Variants in DNAJB6 observed in about 807,000 individuals in gnomAD.
DNAJB6 encodes dnaJ homolog subfamily B member 6.
In DNAJB6, 16 loss-of-function variants were observed where a neutral mutation model predicts 42.7. The observed-to-expected ratio is 0.37, with a 90% CI of 0.25 to 0.57. The LOEUF (loss-of-function observed/expected upper bound fraction) is 0.57. Among genes scored for constraint, DNAJB6 ranks in the 20% least tolerant of loss-of-function variants. DNAJB6 has a pLI of 0.74. For synonymous variants in DNAJB6, 170 were observed against 163.5 expected (o/e 1.04, Z -0.30); for missense variants, 347 against 416.8 (o/e 0.83, Z 1.46).
chr7:157,366,632 C>G (rs1393116203), intron 4 of DNAJB6, 71 bp downstream of exon 4: 10 of 1,434,708 alleles, frequency 7.0e-6, no homozygotes, highest in Non-Finnish European at 9.8e-6. Flanking sequence ...AATCACGAGT[C>G]TCTTGGTCAG....
intron 8 of DNAJB6, among the ~76,000 whole-genome samples, chr7:157,388,094 C>T (rs562177868): frequency 1.3e-5 from 2 of 152,334 alleles, no homozygotes; most frequent in African/African-American, 4.8e-5. Context: ...GATCCATCCA[C>T]CTTGGCCTCC....
chr7:157,415,410 C>G lies in DNAJB6; in HGVS notation c.899-606C>G, dbSNP rs150256809. The G allele has an allele frequency of 6.0e-3, 922 of 152,490 alleles. 4 individuals are homozygous for G. Among genetic ancestry groups the G allele is most frequent in the Non-Finnish European group, 0.011 (722 of 68,140 alleles). 9.4% of individuals were successfully genotyped at this position (152,490 alleles called of 1,614,324 possible). A position where few individuals can be genotyped will look rare whatever the true frequency, so the allele number is the denominator to read the frequency against. On this transcript the variant is annotated intron_variant, in intron 9 of 9. Coordinates refer to ENST00000262177, the MANE Select transcript of DNAJB6 (RefSeq NM_058246.4). Reference sequence around the variant, plus strand: ...CAATAAGAAATGGGACTTTCTCACGCTGGATGGCACAGAGCTGGCAAACAT... The same window carrying G: ...CAATAAGAAATGGGACTTTCTCACGGTGGATGGCACAGAGCTGGCAAACAT...
intron 1 of DNAJB6, among the ~76,000 whole-genome samples, chr7:157,340,993 T>TGCGCGC (rs1392028478): frequency 1.1e-4 from 9 of 83,800 alleles, no homozygotes; most frequent in African/African-American, 3.8e-4. Flanking sequence ...TGTGTGTGTG[T>TGCGCGC]GTGTGCGCGC....
At chr7:157,391,353 G>C (rs1801331939) in intron 8 of DNAJB6, among the ~76,000 whole-genome samples, 1 of 152,212 alleles carries the variant, frequency 6.6e-6, no homozygotes, top group African/African-American at 2.4e-5. Context: ...ATAATGCCAG[G>C]CCTCTGAGAA....
At chr7:157,361,849 A>G (rs56160067) in intron 2 of DNAJB6, among the ~76,000 whole-genome samples, 1 of 151,922 alleles carries the variant, frequency 6.6e-6, no homozygotes, top group Non-Finnish European at 1.5e-5. Context: ...GCTCACTGCA[A>G]CCTCTTTCTC....
At chr7:157,362,505 G>T (rs1011904537) in intron 2 of DNAJB6, among the ~76,000 whole-genome samples, 1 of 152,118 alleles carries the variant, frequency 6.6e-6, no homozygotes, top group Non-Finnish European at 1.5e-5. Flanking sequence ...CTCCTGAGTA[G>T]CTGGGATTAC....
At chr7:157,356,012 A>C (rs970572163) in intron 1 of DNAJB6, among the ~76,000 whole-genome samples, 1 of 152,328 alleles carries the variant, frequency 6.6e-6, no homozygotes, top group South Asian at 2.1e-4. Context: ...ACACAGGCAC[A>C]CAAGTGCAGA....
chr7:157,350,675 G>GAGACAACA (rs1798923924), intron 1 of DNAJB6, among the ~76,000 whole-genome samples: 1 of 149,930 alleles, frequency 6.7e-6, no homozygotes, highest in African/African-American at 2.4e-5. Flanking sequence ...GAAGTACTTG[G>GAGACAACA]AGACAACAAC....
chr7:157,337,746 T>C (rs1411975632), intron 1 of DNAJB6: 1 of 152,282 alleles, frequency 6.6e-6, no homozygotes, highest in Non-Finnish European at 1.5e-5. Context: ...CGTTAAAGAA[T>C]CTGCACCGTA....
intron 9 of DNAJB6, chr7:157,414,175 G>A (rs1796049585): frequency 6.6e-6 from 1 of 152,348 alleles, no homozygotes; most frequent in South Asian, 2.1e-4. Context: ...AGTGGCAGCA[G>A]TTGCTTTAAA....
At chr7:157,339,004 G>A (rs898013850) in intron 1 of DNAJB6, among the ~76,000 whole-genome samples, 2 of 152,320 alleles carry the variant, frequency 1.3e-5, no homozygotes, top group East Asian at 3.9e-4. Context: ...TTCTGGATAT[G>A]AAAGTGTTAG....
At chr7:157,383,978 C>G (rs968125392) in intron 6 of DNAJB6, among the ~76,000 whole-genome samples, 1 of 152,130 alleles carries the variant, frequency 6.6e-6, no homozygotes. Flanking sequence ...AAAAGGTAAA[C>G]TTAACATACC....
chr7:157,406,874 T>A (rs7803506), intron 8 of DNAJB6, among the ~76,000 whole-genome samples: 85,208 of 152,094 alleles, frequency 0.56, 25,749 homozygotes, highest in Admixed American at 0.7. Flanking sequence ...ATGCAAAACC[T>A]CCCCCAGAGC....
chr7:157,415,879 T>G (rs1171865514), intron 9 of DNAJB6, 137 bp from the exon 10 acceptor site: 18 of 1,503,466 alleles, frequency 1.2e-5, no homozygotes, highest in Non-Finnish European at 1.6e-5. Flanking sequence ...TTTTGAGGTT[T>G]AGCTGTGGCC....
chr7:157,400,655 C>T (rs1209322333), intron 8 of DNAJB6, among the ~76,000 whole-genome samples: 1 of 152,234 alleles, frequency 6.6e-6, no homozygotes, highest in Non-Finnish European at 1.5e-5. Context: ...ACCGCCGGGG[C>T]TCTTGCGTCC....
intron 8 of DNAJB6, among the ~76,000 whole-genome samples, chr7:157,388,582 C>A (rs1196708825): frequency 6.9e-6 from 1 of 145,186 alleles, no homozygotes; most frequent in Non-Finnish European, 1.5e-5. Flanking sequence ...GTTTGAGATT[C>A]TTTTTTAAGT....
intron 9 of DNAJB6, chr7:157,412,544 C>T (rs1315759872): frequency 6.6e-6 from 1 of 152,242 alleles, no homozygotes; most frequent in Non-Finnish European, 1.5e-5. Context: ...TGCTGCATTT[C>T]TGCGTCACTG....
Position 157,358,562 on chromosome 7 carries a change from T to C in DNAJB6, c.-11T>C. On this transcript the variant is annotated 5_prime_UTR_variant, in exon 2 of 10. Coordinates refer to ENST00000262177, the MANE Select transcript of DNAJB6 (RefSeq NM_058246.4). ...TTACTTGCAGGACCCATTCCAACAA[T>C]CTCGTAAAACATGGTGGATTACTAT... The C allele has an allele frequency of 1.2e-6, 2 of 1,612,522 alleles. No homozygotes were observed. Among genetic ancestry groups the C allele is most frequent in the Non-Finnish European group, 1.7e-6 (2 of 1,178,800 alleles).
At position 157,358,576 on chromosome 7, in the gene DNAJB6, G is replaced by A; in HGVS notation, c.4G>A (p.Val2Met). ...CATTCCAACAATCTCGTAAAACATG[G>A]TGGATTACTATGAAGTTCTAGGCGT... MVDYYEVLGVQR... is the reference protein window; with the variant it reads MMDYYEVLGVQR... The change falls in exon 2 of 10, where the codon GTG becomes ATG. Residue 2 changes from valine to methionine, a missense_variant. Val to Met is a conservative substitution (Grantham distance 21). Coordinates refer to ENST00000262177, the MANE Select transcript of DNAJB6 (RefSeq NM_058246.4). 6.2e-7 allele frequency: 1 copy of A among 1,613,520 alleles called. No individual in the cohort carries two copies. Among genetic ancestry groups the A allele is most frequent in the Non-Finnish European group, 8.5e-7 (1 of 1,179,572 alleles).
Sources: allele counts gnomAD v4.1 joint callset (sites outside exome capture counted in the v4.1 genomes callset), GRCh38; gene constraint gnomAD v4.1.1; transcripts MANE v1.5; gene names NCBI Gene and HGNC (gene_info 2026-07-23, HGNC 2026-07-21).